The following NRXN1 variants were observed in gnomAD, a reference collection of about 807,000 sequenced individuals.
NRXN1 encodes the protein neurexin-1.
A neutral mutation model predicts 150.9 loss-of-function variants in NRXN1; 39 were observed. The observed-to-expected ratio is 0.26, with a 90% CI of 0.20 to 0.34. NRXN1 has a LOEUF of 0.34. NRXN1 is among the 10% of genes least tolerant of loss of function. The probability of loss-of-function intolerance (pLI) is 1.00; values close to 1 mark genes in which losing one functional copy is unlikely to be tolerated. For missense variants in NRXN1, 1,815 were observed against 1,949.9 expected (o/e 0.93, Z 1.30); for synonymous variants, 924 against 757.0 (o/e 1.22, Z -3.62).
At chr2:50,886,922 C>A (rs1440268225) in intron 5 of NRXN1, among the ~76,000 whole-genome samples, 2 of 151,352 alleles carry the variant, frequency 1.3e-5, no homozygotes, top group Non-Finnish European at 3.0e-5. Context: ...ATAAGCACAT[C>A]ACTGGCCTTA....
At chr2:50,996,132 C>G (rs544702468) in intron 2 of NRXN1, among the ~76,000 whole-genome samples, 2 of 152,096 alleles carry the variant, frequency 1.3e-5, no homozygotes, top group South Asian at 4.2e-4. Flanking sequence ...AAAATTAAGA[C>G]AGGAAATAAA....
At position 50,183,552 on chromosome 2, in the gene NRXN1, G is replaced by C. The variant is rs149455327; in HGVS notation, c.3546+53237C>G. On this transcript the variant is annotated intron_variant, in intron 18 of 22. Coordinates refer to ENST00000401669, the MANE Select transcript of NRXN1 (RefSeq NM_001330078.2). Reference sequence around the variant, plus strand: ...AAAAAAAATATATATTTTTAAATGTGGGATTTTGTTGTTCTTGCTGATTCA... The same window carrying C: ...AAAAAAAATATATATTTTTAAATGTCGGATTTTGTTGTTCTTGCTGATTCA... Among the ~76,000 whole-genome samples, 158 of 151,620 alleles carry C rather than the reference G, an allele frequency of 1.0e-3. 2 individuals are homozygous for C. In the East Asian group the frequency reaches 0.028, roughly 27 times the overall value.
intron 18 of NRXN1, among the ~76,000 whole-genome samples, chr2:50,163,443 C>A (rs1444556119): frequency 6.6e-6 from 1 of 152,086 alleles, no homozygotes. Context: ...ACAGACAGAT[C>A]TACTTGATAA....
chr2:50,586,265 C>G (rs1673078839), intron 8 of NRXN1, among the ~76,000 whole-genome samples: 1 of 152,254 alleles, frequency 6.6e-6, no homozygotes, highest in East Asian at 1.9e-4. Context: ...TCACATGCCA[C>G]TTTTTCAGTG....
intron 5 of NRXN1, among the ~76,000 whole-genome samples, chr2:50,786,383 T>C (rs1014668907): frequency 2.0e-5 from 3 of 152,110 alleles, no homozygotes; most frequent in African/African-American, 7.2e-5. Flanking sequence ...TCATCCACAC[T>C]CTCAGTACCT....
chr2:50,540,648 A>C (rs1170197082), intron 9 of NRXN1, among the ~76,000 whole-genome samples: 1 of 152,060 alleles, frequency 6.6e-6, no homozygotes, highest in Non-Finnish European at 1.5e-5. Context: ...CATGCAATGA[A>C]CAAAGTGCCA....
intron 17 of NRXN1, among the ~76,000 whole-genome samples, chr2:50,375,382 A>T (rs7581302): frequency 0.036 from 5,466 of 149,838 alleles, 249 homozygotes; most frequent in East Asian, 0.12. Context: ...ATAACTAGCT[A>T]TTATTTTCAC....
At chr2:50,278,514 C>T (rs1294850217) in intron 17 of NRXN1, among the ~76,000 whole-genome samples, 1 of 150,350 alleles carries the variant, frequency 6.7e-6, no homozygotes, top group East Asian at 2.0e-4. Context: ...CTGAGTGAAA[C>T]CGTTTGAATT....
At chr2:51,007,168 G>C (rs566909424) in intron 2 of NRXN1, among the ~76,000 whole-genome samples, 61 of 151,798 alleles carry the variant, frequency 4.0e-4, no homozygotes, top group African/African-American at 1.4e-3. Context: ...ATTCTATTTT[G>C]TAACAAATTA....
chr2:50,674,442 C>T (rs558895342), intron 5 of NRXN1, among the ~76,000 whole-genome samples: 15 of 151,968 alleles, frequency 9.9e-5, no homozygotes, highest in African/African-American at 3.1e-4. Flanking sequence ...ATTCTTAGGC[C>T]GTGGAGACCT....
chr2:50,595,467 C>T (rs966836017), intron 8 of NRXN1, among the ~76,000 whole-genome samples: 1 of 151,614 alleles, frequency 6.6e-6, no homozygotes, highest in Non-Finnish European at 1.5e-5. Context: ...TCCAGTTTGA[C>T]CCTTCCCCTC....
chr2:49,922,193 C>G lies in NRXN1; in HGVS notation c.4275G>C (p.Arg1425=). 1.2e-6 allele frequency: 2 copies of G among 1,614,128 alleles called. No individual in the cohort carries two copies. Among genetic ancestry groups the G allele is most frequent in the Non-Finnish European group, 1.7e-6 (2 of 1,180,030 alleles). ...EPYPGSAEVI[R]ESSSTTGMVV... is the part of the protein sequence containing the mutation. ...CCATACCCGTGGTGCTGCTGGACTC[C>G]CGGATCACTTCTGCTGAGCCTGGAT... Residue 1425 remains arginine (R), a synonymous_variant, in exon 23 of 23, where the codon CGG becomes CGC. Transcript: ENST00000401669.
intron 9 of NRXN1, among the ~76,000 whole-genome samples, chr2:50,545,996 G>A (rs907493192): frequency 3.3e-5 from 5 of 152,112 alleles, no homozygotes; most frequent in Admixed American, 6.6e-5. Flanking sequence ...ATTCAGAGCA[G>A]ACTCAATTTT....
At chr2:50,245,841 C>T (rs1379692944) in intron 17 of NRXN1, among the ~76,000 whole-genome samples, 1 of 151,464 alleles carries the variant, frequency 6.6e-6, no homozygotes, top group Non-Finnish European at 1.5e-5. Flanking sequence ...AATAACAAAA[C>T]TGAGGCACAG....
intron 8 of NRXN1, among the ~76,000 whole-genome samples, chr2:50,582,429 C>G (rs1431043072): frequency 1.5e-5 from 2 of 136,416 alleles, no homozygotes; most frequent in East Asian, 4.4e-4. Flanking sequence ...TGCAGTGAGC[C>G]GCGACTGTGC....
At chr2:50,483,649 G>C (rs2090644764) in intron 15 of NRXN1, among the ~76,000 whole-genome samples, 1 of 152,104 alleles carries the variant, frequency 6.6e-6, no homozygotes, top group Non-Finnish European at 1.5e-5. Context: ...TTAGTTACCT[G>C]CCCAGGGTAA....
chr2:50,439,551 A>G (rs1401445977), intron 17 of NRXN1, among the ~76,000 whole-genome samples: 1 of 152,200 alleles, frequency 6.6e-6, no homozygotes, highest in Non-Finnish European at 1.5e-5. Flanking sequence ...TCACGCCTGT[A>G]ATCCCAGCAC....
chr2:50,571,525 T>C (rs1670659950), intron 8 of NRXN1, among the ~76,000 whole-genome samples: 1 of 152,160 alleles, frequency 6.6e-6, no homozygotes, highest in Admixed American at 6.6e-5. Flanking sequence ...ACCCACTGAA[T>C]CTATGGCTGA....
intron 5 of NRXN1, among the ~76,000 whole-genome samples, chr2:50,651,512 A>G (rs62142332): frequency 0.013 from 1,704 of 128,626 alleles, 16 homozygotes; most frequent in Middle Eastern, 0.038. Context: ...GACATGACAT[A>G]ACATGACATA....
Sources: allele counts gnomAD v4.1 joint callset (sites outside exome capture counted in the v4.1 genomes callset), GRCh38; gene constraint gnomAD v4.1.1; transcripts MANE v1.5; gene names NCBI Gene and HGNC (gene_info 2026-07-23, HGNC 2026-07-21).